TYW1B: variants seen among roughly 807,000 people sequenced by gnomAD.
The protein encoded by TYW1B is tRNA-yW synthesizing protein 1 homolog B.
In TYW1B, 73 loss-of-function variants were observed where a neutral mutation model predicts 86.9. That is an observed-to-expected ratio of 0.84 (90% confidence interval 0.70 to 1.02). The LOEUF is 1.02. Among genes scored for constraint, TYW1B ranks in the 50% least tolerant of loss-of-function variants. TYW1B has a pLI of 0.00. For missense variants in TYW1B, 637 were observed against 827.4 expected, an observed-to-expected ratio of 0.77 and a Z score of 2.82; for synonymous variants, 248 against 292.8, an observed-to-expected ratio of 0.85 and a Z score of 1.56.
chr7:72,703,260 A>G (rs1390708650), intron 10 of TYW1B, among the ~76,000 whole-genome samples: 2 of 150,774 alleles, frequency 1.3e-5, no homozygotes, highest in African/African-American at 2.4e-5. Context: ...TCCTGACCTC[A>G]TGATCTGCCC....
At chr7:72,817,851 A>C (rs1487448145) in intron 2 of TYW1B, among the ~76,000 whole-genome samples, 1 of 152,124 alleles carries the variant, frequency 6.6e-6, no homozygotes, top group Non-Finnish European at 1.5e-5. Flanking sequence ...ATGCAAATGA[A>C]GAATTGGCTC....
chr7:72,619,497 C>T (rs1382688403), intron 12 of TYW1B, among the ~76,000 whole-genome samples: 15 of 151,420 alleles, frequency 9.9e-5, no homozygotes, highest in South Asian at 4.2e-4. Flanking sequence ...AAAAATTAGC[C>T]GGGCACGGTG....
intron 11 of TYW1B, among the ~76,000 whole-genome samples, chr7:72,648,407 G>T (rs1400139328): frequency 2.0e-5 from 3 of 151,932 alleles, no homozygotes; most frequent in African/African-American, 7.3e-5. Flanking sequence ...GCTGGACTTG[G>T]TAGCGCATGC....
chr7:72,808,299 A>G (rs1554477227), intron 4 of TYW1B, among the ~76,000 whole-genome samples: 1 of 151,866 alleles, frequency 6.6e-6, no homozygotes, highest in Non-Finnish European at 1.5e-5. Flanking sequence ...AAAAATACAA[A>G]AACTAGCTGG....
intron 9 of TYW1B, among the ~76,000 whole-genome samples, chr7:72,717,677 A>C (rs1554456460): frequency 4.2e-5 from 6 of 143,274 alleles, no homozygotes; most frequent in Admixed American, 7.0e-5. Context: ...ACACACACAC[A>C]CTCTAATTCT....
At chr7:72,596,045 AG>A (rs1811522475) in intron 13 of TYW1B, among the ~76,000 whole-genome samples, 1 of 151,824 alleles carries the variant, frequency 6.6e-6, no homozygotes, top group Non-Finnish European at 1.5e-5. Flanking sequence ...GCATGGTGGC[AG>A]GTGCCTGTAA....
At chr7:72,768,786 CAA>C (rs35836607) in intron 7 of TYW1B, 42 of 135,004 alleles carry the variant, frequency 3.1e-4, no homozygotes, top group South Asian at 1.9e-3. Flanking sequence ...GACTCCATCT[CAA>C]AAAAAAAAAA....
chr7:72,665,399 G>A (rs1391109510), intron 11 of TYW1B, among the ~76,000 whole-genome samples: 1 of 152,102 alleles, frequency 6.6e-6, no homozygotes, highest in African/African-American at 2.4e-5. Context: ...ATCAACCTCT[G>A]GTTCACCTAC....
chr7:72,628,643 G>C (rs1207203738), intron 12 of TYW1B, among the ~76,000 whole-genome samples: 2 of 151,956 alleles, frequency 1.3e-5, no homozygotes, highest in Non-Finnish European at 2.9e-5. Context: ...ACTTTGTGTG[G>C]ACTGTCCATC....
chr7:72,632,305 A>AT lies in TYW1B; in HGVS notation c.1507-3309dup, dbSNP rs1812517623. On this transcript the variant is annotated intron_variant, in intron 11 of 13. Transcript: ENST00000620995. ...TACGTGTATATATATATATACGTGTATATATATTATATATATTATATATAT... is the reference window on the plus strand; with the variant it reads ...TACGTGTATATATATATATACGTGTATTATATATTATATATATTATATATAT... Among the ~76,000 whole-genome samples, 8 of 92,660 alleles carry AT rather than the reference A, an allele frequency of 8.6e-5. No individual in the cohort carries two copies. The South Asian group carries it at 1.6e-3, about 19-fold the overall frequency. 60.8% of individuals were successfully genotyped at this position (92,660 alleles called of 152,430 possible).
At chr7:72,600,950 G>A (rs1206217186) in intron 13 of TYW1B, among the ~76,000 whole-genome samples, 2 of 152,092 alleles carry the variant, frequency 1.3e-5, no homozygotes, top group Non-Finnish European at 2.9e-5. Flanking sequence ...GAGGTCAGGA[G>A]TTCGAGACCA....
intron 13 of TYW1B, among the ~76,000 whole-genome samples, chr7:72,609,020 A>G (rs1390940215): frequency 1.3e-5 from 2 of 152,178 alleles, no homozygotes; most frequent in South Asian, 2.1e-4. Flanking sequence ...ACCAACGTCT[A>G]TTTCCTGATT....
intron 7 of TYW1B, among the ~76,000 whole-genome samples, chr7:72,764,050 C>T (rs1787731122): frequency 6.6e-6 from 1 of 151,872 alleles, no homozygotes; most frequent in African/African-American, 2.4e-5. Flanking sequence ...TGTGAATATT[C>T]AAAAGATTAT....
At chr7:72,790,518 G>A (rs1788202839) in intron 6 of TYW1B, among the ~76,000 whole-genome samples, 1 of 152,146 alleles carries the variant, frequency 6.6e-6, no homozygotes. Context: ...AGCCCTCCCA[G>A]GATGGGCCCA....
At chr7:72,590,667 CAAACA>C (rs1182391790) in intron 13 of TYW1B, among the ~76,000 whole-genome samples, 1 of 152,210 alleles carries the variant, frequency 6.6e-6, no homozygotes, top group African/African-American at 2.4e-5. Context: ...CTTCAATAAT[CAAACA>C]AAACAAAACA....
intron 13 of TYW1B, among the ~76,000 whole-genome samples, chr7:72,614,064 A>G (rs1812006417): frequency 6.6e-6 from 1 of 151,906 alleles, no homozygotes; most frequent in African/African-American, 2.4e-5. Flanking sequence ...ACGGGAGCAA[A>G]AGAGAGAGAG....
intron 12 of TYW1B, 120 bp from the exon 13 acceptor site, chr7:72,616,959 T>A: frequency 7.7e-7 from 1 of 1,300,328 alleles, no homozygotes; most frequent in South Asian, 1.4e-5. Flanking sequence ...TATTTTACAG[T>A]GAAGGAAGTG....
chr7:72,811,916 T>A (rs1363593826), intron 3 of TYW1B, among the ~76,000 whole-genome samples: 2 of 52,100 alleles, frequency 3.8e-5, no homozygotes, highest in Non-Finnish European at 3.6e-5. Context: ...GAAGACTCCA[T>A]CTCAAAAAAA....
intron 2 of TYW1B, among the ~76,000 whole-genome samples, chr7:72,822,558 A>C (rs1362519964): frequency 2.0e-5 from 3 of 152,360 alleles, no homozygotes; most frequent in Non-Finnish European, 4.4e-5. Context: ...ACATGCTGGA[A>C]GACAATGAAG....
Sources: allele counts gnomAD v4.1 joint callset (sites outside exome capture counted in the v4.1 genomes callset), GRCh38; gene constraint gnomAD v4.1.1; transcripts MANE v1.5; gene names NCBI Gene and HGNC (gene_info 2026-07-23, HGNC 2026-07-21).